SGCZ: variants seen among roughly 807,000 people sequenced by gnomAD.
SGCZ encodes the protein sarcoglycan zeta, also known as zeta-sarcoglycan.
In SGCZ, 40 loss-of-function variants were observed where a neutral mutation model predicts 41.3. That is an observed-to-expected ratio of 0.97 (90% CI 0.75 to 1.26). The LOEUF is 1.26. Among genes scored for constraint, SGCZ ranks in the 50% most tolerant of loss-of-function variants. SGCZ has a pLI of 0.00. For missense variants in SGCZ, 552 were observed against 369.8 expected, an observed-to-expected ratio of 1.49 and a Z score of -4.04; for synonymous variants, 206 against 137.5, an observed-to-expected ratio of 1.50 and a Z score of -3.49.
intron 1 of SGCZ, among the ~76,000 whole-genome samples, chr8:14,579,309 C>A (rs1036729480): frequency 1.3e-5 from 2 of 152,114 alleles, no homozygotes; most frequent in Non-Finnish European, 2.9e-5. Flanking sequence ...AAAATACAAA[C>A]TGAAATAGCA....
At chr8:15,021,846 C>G (rs1803260781) in intron 1 of SGCZ, among the ~76,000 whole-genome samples, 1 of 152,160 alleles carries the variant, frequency 6.6e-6, no homozygotes, top group Non-Finnish European at 1.5e-5. Context: ...TCTAGATACA[C>G]CTTGACCACC....
intron 1 of SGCZ, among the ~76,000 whole-genome samples, chr8:14,926,732 T>C (rs1799764375): frequency 1.3e-5 from 2 of 151,804 alleles, no homozygotes. Flanking sequence ...CCTCCAACTC[T>C]CTGGTTCAAG....
intron 1 of SGCZ, among the ~76,000 whole-genome samples, chr8:15,197,950 T>C (rs1350651961): frequency 2.0e-5 from 3 of 149,922 alleles, no homozygotes; most frequent in Non-Finnish European, 4.4e-5. Flanking sequence ...ACATAATACA[T>C]ACCATATTTA....
intron 1 of SGCZ, among the ~76,000 whole-genome samples, chr8:15,102,692 T>C (rs1250105149): frequency 6.6e-6 from 1 of 152,156 alleles, no homozygotes; most frequent in Non-Finnish European, 1.5e-5. Flanking sequence ...TTCCAAAATA[T>C]TCTATTGTAA....
chr8:14,777,659 G>A (rs951237406), intron 1 of SGCZ, among the ~76,000 whole-genome samples: 2 of 152,102 alleles, frequency 1.3e-5, no homozygotes, highest in Non-Finnish European at 2.9e-5. Flanking sequence ...GTACATTGAA[G>A]TATTTAGAGG....
chr8:14,718,713 A>G (rs1809779271), intron 1 of SGCZ, among the ~76,000 whole-genome samples: 1 of 151,904 alleles, frequency 6.6e-6, no homozygotes, highest in Non-Finnish European at 1.5e-5. Context: ...ATGATCTTTA[A>G]TGCCACCCTG....
intron 1 of SGCZ, among the ~76,000 whole-genome samples, chr8:14,700,194 T>C (rs149476910): frequency 8.2e-4 from 125 of 151,898 alleles, no homozygotes; most frequent in East Asian, 5.0e-3. Flanking sequence ...AATAAAGACA[T>C]GAAATCAACC....
chr8:14,514,239 C>A (rs1297272679), intron 2 of SGCZ, among the ~76,000 whole-genome samples: 2 of 151,934 alleles, frequency 1.3e-5, no homozygotes, highest in African/African-American at 4.8e-5. Flanking sequence ...TTTAAGCAAG[C>A]ACTTGATACG....
intron 2 of SGCZ, among the ~76,000 whole-genome samples, chr8:14,398,292 A>G (rs537628394): frequency 2.2e-4 from 33 of 152,246 alleles, no homozygotes; most frequent in African/African-American, 7.9e-4. Context: ...AGTGTGACCT[A>G]TTCCTTAGCA....
intron 1 of SGCZ, among the ~76,000 whole-genome samples, chr8:14,889,028 G>C (rs1363409860): frequency 6.6e-6 from 1 of 152,068 alleles, no homozygotes; most frequent in Non-Finnish European, 1.5e-5. Context: ...ATTGTATTTT[G>C]TTTCTCCAAT....
chr8:15,111,073 G>T (rs543018750), intron 1 of SGCZ, among the ~76,000 whole-genome samples: 181 of 152,144 alleles, frequency 1.2e-3, no homozygotes, highest in Non-Finnish European at 2.3e-3. Context: ...AGAACCTAAG[G>T]CCAATTCACG....
intron 1 of SGCZ, among the ~76,000 whole-genome samples, chr8:15,017,289 G>T (rs1011291040): frequency 6.6e-6 from 1 of 152,078 alleles, no homozygotes; most frequent in African/African-American, 2.4e-5. Flanking sequence ...GAAAATGACA[G>T]TTTCCCAGGC....
chr8:14,898,629 A>G (rs552548930), intron 1 of SGCZ, among the ~76,000 whole-genome samples: 1 of 152,176 alleles, frequency 6.6e-6, no homozygotes, highest in Non-Finnish European at 1.5e-5. Flanking sequence ...TTGAGAATAT[A>G]TATAAGCGAG....
At position 15,221,031 on chromosome 8, in the gene SGCZ, GA is replaced by G. The variant is rs565896903; in HGVS notation, c.39+16553del. 3.7e-3 allele frequency among the ~76,000 whole-genome samples: 560 copies of G among 152,136 alleles called. 4 individuals carry two copies. The highest frequency in any genetic ancestry group is 0.013 in the African/African-American group (523 of 41,506). On this transcript the variant is annotated intron_variant, in intron 1 of 7. Transcript: ENST00000382080. ...CCGGTCGTCGGGTAGGGTATAGGGG[GA>G]GGGATAGCATTAGAAGAAATACCTA...
chr8:15,044,603 A>G (rs962965924), intron 1 of SGCZ, among the ~76,000 whole-genome samples: 1 of 152,222 alleles, frequency 6.6e-6, no homozygotes, highest in Non-Finnish European at 1.5e-5. Context: ...AAGATGCAGT[A>G]AAACTCATAA....
chr8:14,512,557 C>T (rs989867749), intron 2 of SGCZ, among the ~76,000 whole-genome samples: 2 of 152,004 alleles, frequency 1.3e-5, no homozygotes, highest in East Asian at 1.9e-4. Flanking sequence ...AATTCCTGGA[C>T]TCAAGTGATC....
chr8:14,502,078 G>T (rs953132099), intron 2 of SGCZ, among the ~76,000 whole-genome samples: 2 of 151,996 alleles, frequency 1.3e-5, no homozygotes, highest in East Asian at 3.8e-4. Flanking sequence ...TCTTTTGTTT[G>T]TCAGGTAGTT....
At chr8:14,254,549 C>T (rs960110765) in intron 3 of SGCZ, among the ~76,000 whole-genome samples, 3 of 152,132 alleles carry the variant, frequency 2.0e-5, no homozygotes, top group African/African-American at 7.2e-5. Flanking sequence ...AAAATTGAAT[C>T]CAGCTTTTAG....
intron 3 of SGCZ, among the ~76,000 whole-genome samples, chr8:14,277,097 T>A (rs1364794933): frequency 2.0e-5 from 3 of 152,202 alleles, no homozygotes; most frequent in Non-Finnish European, 4.4e-5. Flanking sequence ...GCCAAGAACC[T>A]GGACATCCTC....
Sources: allele counts gnomAD v4.1 joint callset (sites outside exome capture counted in the v4.1 genomes callset), GRCh38; gene constraint gnomAD v4.1.1; transcripts MANE v1.5; gene names NCBI Gene and HGNC (gene_info 2026-07-23, HGNC 2026-07-21).